The following STYX variants were observed in gnomAD, a reference collection of about 807,000 sequenced individuals.
STYX encodes serine/threonine/tyrosine interacting protein, also known as serine/threonine/tyrosine-interacting protein.
STYX carries 20 observed loss-of-function variants against 42.7 expected under a neutral mutation model. The observed-to-expected ratio is 0.47, with a 90% CI of 0.33 to 0.68. The LOEUF (loss-of-function observed/expected upper bound fraction) is 0.68. STYX is among the 30% of genes least tolerant of loss of function. The probability of loss-of-function intolerance (pLI) is 0.02; values close to 1 mark genes in which losing one functional copy is unlikely to be tolerated. For missense variants in STYX, 226 were observed against 268.5 expected, an observed-to-expected ratio of 0.84 and a Z score of 1.11; for synonymous variants, 78 against 81.9, an observed-to-expected ratio of 0.95 and a Z score of 0.26.
intron 4 of STYX, among the ~76,000 whole-genome samples, chr14:52,755,750 T>G (rs1257767897): frequency 6.6e-6 from 1 of 150,638 alleles, no homozygotes; most frequent in South Asian, 2.1e-4. Context: ...TGACTCCTGG[T>G]TCCATAGACC....
Position 52,773,697 on chromosome 14 carries a change from GGTTT to G in STYX, c.*2596_*2599del, listed in dbSNP as rs1423515568. On this transcript the variant is annotated 3_prime_UTR_variant, in exon 11 of 11. Coordinates refer to ENST00000354586, the MANE Select transcript of STYX (RefSeq NM_145251.4). ...TATTATTTCATATAAGAACATTACA[GGTTT>G]GTTTTTTCTTGCATGTCTGTCCACC... 2 of 152,086 alleles carry G rather than the reference GGTTT, an allele frequency of 1.3e-5. No individual in the cohort carries two copies. Among genetic ancestry groups the G allele is most frequent in the Non-Finnish European group, 2.9e-5 (2 of 68,020 alleles). The allele number at this position is 152,086 out of a possible 1,614,324, so 9.4% of individuals were successfully genotyped here.
At chr14:52,758,311 T>G (rs563531578) in intron 8 of STYX, among the ~76,000 whole-genome samples, 6 of 152,328 alleles carry the variant, frequency 3.9e-5, no homozygotes, top group African/African-American at 1.4e-4. Flanking sequence ...GAGTAGTCTT[T>G]CTTATCAAAA....
In STYX at chr14:52,774,777, T is replaced by C. The variant is rs1411301116; in HGVS notation, c.*3671T>C. 6.6e-6 allele frequency: 1 copy of C among 152,020 alleles called. No individual in the cohort carries two copies. Among genetic ancestry groups the C allele is most frequent in the African/African-American group, 2.4e-5 (1 of 41,320 alleles). The allele number at this position is 152,020 out of a possible 1,614,324, so 9.4% of individuals were successfully genotyped here. ...CAATTTACTATGCAGCAAAAATGAT[T>C]CAAGAAGAAAAATAACCTACAGTGT... On this transcript the variant is annotated 3_prime_UTR_variant, in exon 11 of 11. Coordinates refer to ENST00000354586, the MANE Select transcript of STYX (RefSeq NM_145251.4).
At chr14:52,762,852 T>G (rs1458225359) in intron 9 of STYX, among the ~76,000 whole-genome samples, 1 of 148,916 alleles carries the variant, frequency 6.7e-6, no homozygotes, top group African/African-American at 2.5e-5. Context: ...TCGGTTTGAT[T>G]TTTTCTTTTC....
At chr14:52,764,906 T>G (rs2139933056) in intron 9 of STYX, among the ~76,000 whole-genome samples, 1 of 152,254 alleles carries the variant, frequency 6.6e-6, no homozygotes, top group Non-Finnish European at 1.5e-5. Flanking sequence ...TGAGATCATG[T>G]GATCCACCCG....
At chr14:52,732,266 C>CTTTTTTT (rs529730082) in intron 1 of STYX, among the ~76,000 whole-genome samples, 1 of 112,316 alleles carries the variant, frequency 8.9e-6, no homozygotes, top group Non-Finnish European at 1.8e-5. Flanking sequence ...CCAGGCCCAG[C>CTTTTTTT]TTTTTTTTTT....
chr14:52,757,683 T>C (rs533313013), intron 6 of STYX, 60 bp from the exon 7 acceptor site: 8 of 1,495,954 alleles, frequency 5.3e-6, no homozygotes, highest in Admixed American at 5.1e-5. Flanking sequence ...GTGGTTTCAA[T>C]GTAGTTCAGC....
chr14:52,734,466 A>G (rs941868617), intron 1 of STYX, among the ~76,000 whole-genome samples: 13 of 152,144 alleles, frequency 8.5e-5, no homozygotes, highest in African/African-American at 3.1e-4. Flanking sequence ...CTTTCTGGTG[A>G]CTGGCCCCAC....
chr14:52,730,219 ACT>A lies in STYX; in HGVS notation c.-253_-252del, dbSNP rs1475111519. ...CCTGGGCGGCCTGAGGGGTACGGAGACTCTGGGGGAGGGAGACGGCAGCGGCA... is the reference window on the plus strand; with the variant it reads ...CCTGGGCGGCCTGAGGGGTACGGAGACTGGGGGAGGGAGACGGCAGCGGCA... On this transcript the variant is annotated 5_prime_UTR_variant, in exon 1 of 11. Coordinates refer to ENST00000354586, the MANE Select transcript of STYX (RefSeq NM_145251.4). The A allele has an allele frequency of 7.4e-5, 40 of 543,148 alleles. No homozygotes were observed. Among genetic ancestry groups the A allele is most frequent in the Non-Finnish European group, 8.2e-5 (25 of 303,748 alleles). 33.6% of individuals were successfully genotyped at this position (543,148 alleles called of 1,614,324 possible).
chr14:52,772,689 GATAATAC>G lies in STYX; in HGVS notation c.*1585_*1591del, dbSNP rs1449115456. 5 of 152,482 alleles carry G rather than the reference GATAATAC, an allele frequency of 3.3e-5. No homozygotes were observed. Among genetic ancestry groups the G allele is most frequent in the African/African-American group, 1.2e-4 (5 of 41,396 alleles). 9.4% of individuals were successfully genotyped at this position (152,482 alleles called of 1,614,324 possible). On this transcript the variant is annotated 3_prime_UTR_variant, in exon 11 of 11. Coordinates refer to ENST00000354586, the MANE Select transcript of STYX (RefSeq NM_145251.4). The stretch of plus-strand genomic sequence containing the variant: ...TGCTTTGCTTTCCTCTCTATGATGT[GATAATAC>G]AGTAAAAGCTTTCTTACCCAGCATA...
At chr14:52,741,230 A>T (rs57062829) in intron 1 of STYX, among the ~76,000 whole-genome samples, 87,352 of 139,896 alleles carry the variant, frequency 0.62, 27,459 homozygotes, top group African/African-American at 0.72. Flanking sequence ...ATATATATAT[A>T]TTTTTTTTTT....
At chr14:52,736,062 C>A (rs1594862896) in intron 1 of STYX, among the ~76,000 whole-genome samples, 1 of 152,202 alleles carries the variant, frequency 6.6e-6, no homozygotes, top group Admixed American at 6.5e-5. Context: ...TCTGTAAGCC[C>A]TAGCCATATT....
chr14:52,766,051 C>T (rs762188048), intron 9 of STYX, among the ~76,000 whole-genome samples: 3 of 152,146 alleles, frequency 2.0e-5, no homozygotes, highest in Non-Finnish European at 4.4e-5. Context: ...GGCTACAGTG[C>T]AGTGGCGCGA....
Position 52,772,587 on chromosome 14 carries a change from A to C in STYX, c.*1481A>C, listed in dbSNP as rs1356318366. The C allele has an allele frequency of 2.0e-5, 3 of 152,548 alleles. No homozygotes were observed. The highest frequency in any genetic ancestry group is 2.0e-4 in the Admixed American group (3 of 15,262). 9.4% of individuals were successfully genotyped at this position (152,548 alleles called of 1,614,324 possible). On this transcript the variant is annotated 3_prime_UTR_variant, in exon 11 of 11. Coordinates refer to ENST00000354586, the MANE Select transcript of STYX (RefSeq NM_145251.4). ...TCTCAATCCTCTCTTGAGGTGCTTT[A>C]CTAATGGGAATGATTTCTGTATGTT...
At chr14:52,742,105 C>T (rs1881217498) in intron 1 of STYX, among the ~76,000 whole-genome samples, 1 of 152,132 alleles carries the variant, frequency 6.6e-6, no homozygotes, top group Non-Finnish European at 1.5e-5. Flanking sequence ...CTTGGCCTCA[C>T]AAAAGTAACT....
chr14:52,751,418 G>A (rs770869432), intron 4 of STYX, among the ~76,000 whole-genome samples: 3 of 151,936 alleles, frequency 2.0e-5, no homozygotes. Flanking sequence ...CAATTTATAT[G>A]TGAGCATATT....
chr14:52,755,121 G>GTTTTTTT (rs537098365), intron 4 of STYX, among the ~76,000 whole-genome samples: 2 of 139,304 alleles, frequency 1.4e-5, no homozygotes. Flanking sequence ...TTGTTTTTTT[G>GTTTTTTT]TTTTTTTTTT....
rs1479613630 is a variant in STYX, at chr14:52,757,370, C to T, written c.340+15C>T. On this transcript the variant is annotated intron_variant, in intron 6 of 10. Transcript: ENST00000354586. The stretch of plus-strand genomic sequence containing the variant: ...ACAAATGGGAGGTAAATAACATTTC[C>T]TTTCCTTAACTAATGTTTATATTTT... 8 of 1,581,848 alleles carry T rather than the reference C, an allele frequency of 5.1e-6. No individual in the cohort carries two copies. The highest frequency in any genetic ancestry group is 6.9e-6 in the Non-Finnish European group (8 of 1,155,420).
chr14:52,746,501 T>A (rs1881403010), intron 3 of STYX, 22 bp downstream of exon 3: 1 of 1,548,674 alleles, frequency 6.5e-7, no homozygotes, highest in African/African-American at 1.4e-5. Flanking sequence ...GTTAGATTCA[T>A]CAAGAGAGAC....
Sources: allele counts gnomAD v4.1 joint callset (sites outside exome capture counted in the v4.1 genomes callset), GRCh38; gene constraint gnomAD v4.1.1; transcripts MANE v1.5; gene names NCBI Gene and HGNC (gene_info 2026-07-23, HGNC 2026-07-21).